AGBL1: variants seen among roughly 807,000 people sequenced by gnomAD.
AGBL1 encodes the protein AGBL carboxypeptidase 1.
In AGBL1, 130 loss-of-function variants were observed where a neutral mutation model predicts 118.9. The observed-to-expected ratio is 1.09, with a 90% CI of 0.95 to 1.26. The LOEUF is 1.26. Among genes scored for constraint, AGBL1 ranks in the 50% most tolerant of loss-of-function variants. The probability of loss-of-function intolerance (pLI) is 0.00; values close to 1 mark genes in which losing one functional copy is unlikely to be tolerated. For missense variants in AGBL1, 1,584 were observed against 1,298.1 expected, an observed-to-expected ratio of 1.22 and a Z score of -3.38; for synonymous variants, 555 against 478.9, an observed-to-expected ratio of 1.16 and a Z score of -2.08.
At chr15:86,739,249 G>A (rs1420285542) in intron 22 of AGBL1, among the ~76,000 whole-genome samples, 4 of 151,912 alleles carry the variant, frequency 2.6e-5, no homozygotes, top group African/African-American at 9.7e-5. Context: ...TTTGAGACCA[G>A]CCTGACAAAC....
intron 22 of AGBL1, among the ~76,000 whole-genome samples, chr15:86,813,147 G>A (rs901361520): frequency 3.9e-5 from 6 of 151,912 alleles, no homozygotes; most frequent in South Asian, 2.1e-4. Context: ...AAACAGCCTC[G>A]AACACATGGG....
rs371034521 is a variant in AGBL1, at chr15:86,433,443, T to C, written c.2555+35897T>C. On this transcript the variant is annotated intron_variant, in intron 18 of 22. Transcript: ENST00000614907. The stretch of plus-strand genomic sequence containing the variant: ...CTGTTCCCTGGAAATTACGTTGGCA[T>C]TTCTTGTGCAAGGAAGACTGAATGA... Among the ~76,000 whole-genome samples the C allele has an allele frequency of 7.2e-5, 11 of 152,136 alleles. No individual in the cohort carries two copies. In the East Asian group the frequency reaches 1.4e-3, roughly 19 times the overall value.
intron 22 of AGBL1, among the ~76,000 whole-genome samples, chr15:86,824,031 C>T (rs1037594584): frequency 2.0e-5 from 3 of 151,914 alleles, no homozygotes; most frequent in African/African-American, 7.3e-5. Flanking sequence ...GCAAGGATGT[C>T]CACTCTCACC....
At chr15:87,011,951 G>C (rs531865799) in intron 24 of AGBL1, among the ~76,000 whole-genome samples, 1 of 151,628 alleles carries the variant, frequency 6.6e-6, no homozygotes, top group Non-Finnish European at 1.5e-5. Flanking sequence ...TACATATTCC[G>C]TTTACTTTCC....
chr15:87,029,913 C>T (rs1056684802), downstream of AGBL1, among the ~76,000 whole-genome samples: 2 of 151,788 alleles, frequency 1.3e-5, no homozygotes, highest in Non-Finnish European at 2.9e-5. Flanking sequence ...ACCCTTCATC[C>T]CTTGATGGCT....
chr15:86,664,058 A>C (rs572543060), intron 21 of AGBL1, among the ~76,000 whole-genome samples: 2 of 152,202 alleles, frequency 1.3e-5, no homozygotes, highest in Non-Finnish European at 2.9e-5. Context: ...AATGAAGGAC[A>C]TGTTTGAAGT....
chr15:86,523,035 CA>C, intron 19 of AGBL1, 96 bp downstream of exon 19: 1 of 1,419,230 alleles, frequency 7.0e-7, no homozygotes. Context: ...AGACAATGAC[CA>C]AAAACCTATG....
chr15:86,374,044 G>A (rs555165273), intron 17 of AGBL1, among the ~76,000 whole-genome samples: 1 of 152,196 alleles, frequency 6.6e-6, no homozygotes, highest in Non-Finnish European at 1.5e-5. Flanking sequence ...AGGAATTCCT[G>A]TGGGTTTCTT....
chr15:86,135,934 G>A (rs1442663174), intron 1 of AGBL1, among the ~76,000 whole-genome samples: 3 of 152,198 alleles, frequency 2.0e-5, no homozygotes, highest in African/African-American at 4.8e-5. Flanking sequence ...TCTGGGGGAA[G>A]CCAGCTGCCA....
chr15:86,645,328 T>C (rs2085259933), intron 21 of AGBL1, among the ~76,000 whole-genome samples: 1 of 152,078 alleles, frequency 6.6e-6, no homozygotes, highest in South Asian at 2.1e-4. Flanking sequence ...ATGTGAAAAA[T>C]TGGGGAAGGA....
intron 18 of AGBL1, among the ~76,000 whole-genome samples, chr15:86,467,843 C>G (rs1043757184): frequency 6.6e-6 from 1 of 152,136 alleles, no homozygotes; most frequent in Admixed American, 6.5e-5. Flanking sequence ...TGAGATGAAC[C>G]AGGTACCTCA....
intron 22 of AGBL1, among the ~76,000 whole-genome samples, chr15:86,784,692 G>A (rs1358435969): frequency 6.6e-6 from 1 of 152,104 alleles, no homozygotes; most frequent in African/African-American, 2.4e-5. Flanking sequence ...GGTAACTGTG[G>A]CTTCTACTGC....
intron 18 of AGBL1, among the ~76,000 whole-genome samples, chr15:86,492,604 A>G (rs376269169): frequency 0.064 from 3,525 of 55,266 alleles, 131 homozygotes; most frequent in African/African-American, 0.13. Context: ...AAGAAAAAAA[A>G]AAAAAGAAAA....
intron 22 of AGBL1, among the ~76,000 whole-genome samples, chr15:86,905,595 G>A (rs1211654562): frequency 6.6e-6 from 1 of 152,182 alleles, no homozygotes; most frequent in Non-Finnish European, 1.5e-5. Flanking sequence ...AGAATACTCT[G>A]CTAGACAATA....
chr15:87,014,991 T>C (rs971865949), intron 24 of AGBL1, among the ~76,000 whole-genome samples: 1 of 152,074 alleles, frequency 6.6e-6, no homozygotes, highest in African/African-American at 2.4e-5. Context: ...GTGGTGAAGA[T>C]TGCGCTCAAT....
chr15:86,211,748 G>A (rs763717585), intron 5 of AGBL1, among the ~76,000 whole-genome samples: 15 of 152,092 alleles, frequency 9.9e-5, no homozygotes, highest in South Asian at 4.1e-4. Context: ...AGGGCATCAC[G>A]GCTTCCCTTT....
chr15:86,828,486 G>T (rs951362494), intron 22 of AGBL1, among the ~76,000 whole-genome samples: 3 of 152,106 alleles, frequency 2.0e-5, no homozygotes, highest in African/African-American at 7.2e-5. Context: ...GCCAGAGTCA[G>T]AAGAAAGCAC....
intron 21 of AGBL1, among the ~76,000 whole-genome samples, chr15:86,575,279 G>C (rs915043342): frequency 6.6e-6 from 1 of 151,636 alleles, no homozygotes; most frequent in Admixed American, 6.6e-5. Flanking sequence ...CAGGAGGTTC[G>C]CTTGAGCCTA....
intron 17 of AGBL1, among the ~76,000 whole-genome samples, chr15:86,377,624 A>C (rs1272684462): frequency 6.6e-6 from 1 of 152,192 alleles, no homozygotes; most frequent in East Asian, 1.9e-4. Context: ...AGCTTATTTT[A>C]TATAAGTGAC....
Sources: gnomAD v4.1 joint callset for allele counts (sites outside exome capture counted in the v4.1 genomes callset) on GRCh38, gnomAD v4.1.1 for gene constraint, MANE v1.5 for transcripts, NCBI Gene and HGNC (gene_info 2026-07-23, HGNC 2026-07-21) for gene names.